MAP4K4: variants seen among roughly 807,000 people sequenced by gnomAD.
MAP4K4 encodes mitogen-activated protein kinase kinase kinase kinase 4, also known as HPK/GCK-like kinase HGK.
MAP4K4 carries 38 observed loss-of-function variants against 189.6 expected under a neutral mutation model. That is an observed-to-expected ratio of 0.20 (90% CI 0.15 to 0.26). The LOEUF (loss-of-function observed/expected upper bound fraction) is 0.26. Among genes scored for constraint, MAP4K4 ranks in the 10% least tolerant of loss-of-function variants. MAP4K4 has a pLI of 1.00. For missense variants in MAP4K4, 1,054 were observed against 1,726.9 expected, an observed-to-expected ratio of 0.61 and a Z score of 6.91; for synonymous variants, 610 against 624.3, an observed-to-expected ratio of 0.98 and a Z score of 0.34.
intron 8 of MAP4K4, among the ~76,000 whole-genome samples, chr2:101,835,127 T>C (rs2096710428): frequency 6.6e-6 from 1 of 152,206 alleles, no homozygotes; most frequent in African/African-American, 2.4e-5. Context: ...AAAATTAGTT[T>C]TCAGTATAGA....
At chr2:101,795,976 A>G (rs1347617456) in intron 3 of MAP4K4, among the ~76,000 whole-genome samples, 2 of 152,228 alleles carry the variant, frequency 1.3e-5, no homozygotes, top group African/African-American at 4.8e-5. Flanking sequence ...TGCTTTGGAT[A>G]AATCAAGGAC....
intron 2 of MAP4K4, among the ~76,000 whole-genome samples, chr2:101,705,284 A>G (rs1028246076): frequency 6.6e-6 from 1 of 152,170 alleles, no homozygotes; most frequent in Non-Finnish European, 1.5e-5. Context: ...AGCCGATGAT[A>G]TATCTACCCT....
In MAP4K4 at chr2:101,864,800, G is replaced by A. The variant is rs185174023; in HGVS notation, c.2098-130G>A. The A allele has an allele frequency of 2.0e-3, 1,249 of 631,320 alleles. 4 individuals are homozygous for A. Among genetic ancestry groups the A allele is most frequent in the Non-Finnish European group, 2.3e-3 (800 of 351,530 alleles). 39.1% of individuals were successfully genotyped at this position (631,320 alleles called of 1,614,324 possible). ...GTAGGACCAGGGAAGGAGTTGGGGT[G>A]GGGAGTGGAGGTGATAGGAAGGACT... On this transcript the variant is annotated intron_variant, in intron 17 of 32. Transcript: ENST00000324219.
intron 7 of MAP4K4, among the ~76,000 whole-genome samples, chr2:101,833,448 A>G (rs2096647936): frequency 6.6e-6 from 1 of 151,684 alleles, no homozygotes; most frequent in African/African-American, 2.4e-5. Context: ...GTGAAACCCC[A>G]TCTTTACTAA....
intron 3 of MAP4K4, chr2:101,797,218 T>C (rs1481820248): frequency 1.6e-6 from 2 of 1,287,878 alleles, no homozygotes; most frequent in Non-Finnish European, 2.0e-6. Flanking sequence ...CTCTGTGGCC[T>C]GTGGGACCTA....
At chr2:101,880,293 G>C (rs943000381) in intron 27 of MAP4K4, among the ~76,000 whole-genome samples, 7 of 152,062 alleles carry the variant, frequency 4.6e-5, no homozygotes, top group Non-Finnish European at 8.8e-5. Flanking sequence ...ATTTTCTTCT[G>C]TTACCTTCTA....
chr2:101,760,532 G>GTA (rs1378742797), intron 2 of MAP4K4, among the ~76,000 whole-genome samples: 85 of 46,412 alleles, frequency 1.8e-3, no homozygotes, highest in African/African-American at 7.0e-3. Flanking sequence ...ATGTATATAT[G>GTA]TGTGTGTGTG....
rs760979075 is a variant in MAP4K4, at chr2:101,839,926, A to G, written c.881A>G (p.Asn294Ser). The G allele has an allele frequency of 3.7e-6, 6 of 1,613,836 alleles. No individual in the cohort carries two copies. In the African/African-American group the frequency reaches 8.0e-5, roughly 22 times the overall value. Residue 294 changes from asparagine (N) to serine (S), a missense_variant, in exon 10 of 33, where the codon AAT becomes AGT. By Grantham distance (46) the Asn-to-Ser change is conservative (BLOSUM62 1). Transcript: ENST00000324219. ...CATCCTTTTATAAGGGATCAGCCAAATGAAAGGCAAGTTAGAATCCAGCTT... is the reference window on the plus strand; with the variant it reads ...CATCCTTTTATAAGGGATCAGCCAAGTGAAAGGCAAGTTAGAATCCAGCTT...
At chr2:101,877,984 C>T (rs140799731) in intron 27 of MAP4K4, among the ~76,000 whole-genome samples, 10,184 of 152,236 alleles carry the variant, frequency 0.067, 448 homozygotes, top group African/African-American at 0.12. Flanking sequence ...CTCCTGACCT[C>T]ATGATCCACC....
chr2:101,783,104 G>C (rs1241759972), intron 2 of MAP4K4, among the ~76,000 whole-genome samples: 1 of 152,162 alleles, frequency 6.6e-6, no homozygotes, highest in Non-Finnish European at 1.5e-5. Context: ...TGAATGGTGT[G>C]GATGAGATAT....
At chr2:101,856,457 A>AC (rs2097464766) in intron 13 of MAP4K4, among the ~76,000 whole-genome samples, 2 of 152,138 alleles carry the variant, frequency 1.3e-5, no homozygotes, top group Admixed American at 6.5e-5. Context: ...AATGCTGTAG[A>AC]CCCCAAATAT....
At chr2:101,712,146 A>C (rs1257028906) in intron 2 of MAP4K4, among the ~76,000 whole-genome samples, 1 of 150,954 alleles carries the variant, frequency 6.6e-6, no homozygotes, top group Non-Finnish European at 1.5e-5. Flanking sequence ...ATTTCTACCC[A>C]CTTGGCCTTA....
chr2:101,826,828 A>T (rs1490489192), intron 5 of MAP4K4, among the ~76,000 whole-genome samples: 1 of 152,272 alleles, frequency 6.6e-6, no homozygotes, highest in South Asian at 2.1e-4. Flanking sequence ...TTAATCATCT[A>T]ATGTAACGTG....
rs2035145199 is a variant in MAP4K4, at chr2:101,697,837, T to C, written c.-244T>C. 1 of 141,286 alleles carries C rather than the reference T, an allele frequency of 7.1e-6. No individual in the cohort carries two copies. The highest frequency in any genetic ancestry group is 2.5e-5 in the African/African-American group (1 of 39,362). 8.8% of individuals were successfully genotyped at this position (141,286 alleles called of 1,614,324 possible). On this transcript the variant is annotated 5_prime_UTR_variant, in exon 1 of 33. An upstream start codon of the reference 5' UTR is lost. Transcript: ENST00000324219. ...GGGCCTGACGGCCGGCCCCGCGCCATGGTGTGAGCGCCGCCGCCCGTGCAC... is the reference window on the plus strand; with the variant it reads ...GGGCCTGACGGCCGGCCCCGCGCCACGGTGTGAGCGCCGCCGCCCGTGCAC...
chr2:101,777,529 G>A (rs542939146), intron 2 of MAP4K4, among the ~76,000 whole-genome samples: 1 of 152,154 alleles, frequency 6.6e-6, no homozygotes, highest in Non-Finnish European at 1.5e-5. Context: ...GTCATTCATC[G>A]CCTCCATCTG....
At chr2:101,869,987 C>G in intron 22 of MAP4K4, 190 bp downstream of exon 22, 1 of 693,822 alleles carries the variant, frequency 1.4e-6, no homozygotes, top group Non-Finnish European at 2.3e-6. Context: ...CAGTGCTTCC[C>G]CCAGCACCCC....
rs79970050 is a variant in MAP4K4, at chr2:101,761,415, A to G, written c.124-29305A>G. Among the ~76,000 whole-genome samples, 13 of 152,230 alleles carry G rather than the reference A, an allele frequency of 8.5e-5. No homozygotes were observed. In the East Asian group the frequency reaches 2.3e-3, roughly 27 times the overall value. ...TTTTGCTTGGGCCCAGTCATCTAGC[A>G]TACATCAGTTTGGTGTGTTTTGTGT... On this transcript the variant is annotated intron_variant, in intron 2 of 32. Coordinates refer to ENST00000324219, the Ensembl canonical transcript of MAP4K4.
chr2:101,790,986 A>C (rs900371503), intron 3 of MAP4K4, among the ~76,000 whole-genome samples: 1 of 152,274 alleles, frequency 6.6e-6, no homozygotes, highest in South Asian at 2.1e-4. Context: ...CATTTTCTCA[A>C]AACACACGCA....
exon 12 of MAP4K4, chr2:101,844,151 G>A: frequency 1.2e-6 from 2 of 1,612,820 alleles, no homozygotes; most frequent in Non-Finnish European, 1.7e-6. Flanking sequence ...GATTTCCTGA[G>A]ACTGCAGCAG....
Sources: allele counts gnomAD v4.1 joint callset (sites outside exome capture counted in the v4.1 genomes callset), GRCh38; gene constraint gnomAD v4.1.1; transcripts MANE v1.5; gene names NCBI Gene and HGNC (gene_info 2026-07-23, HGNC 2026-07-21).